The following ANO1 variants were observed in gnomAD, a reference collection of about 807,000 sequenced individuals.
ANO1 encodes anoctamin 1, also known as anoctamin-1.
Under a neutral mutation model 124.0 loss-of-function variants are expected in ANO1, and 59 were observed. That is an observed-to-expected ratio of 0.48 (90% CI 0.39 to 0.59). ANO1 has a LOEUF of 0.59. Among genes scored for constraint, ANO1 ranks in the 20% least tolerant of loss-of-function variants. The pLI, the probability that ANO1 is intolerant of heterozygous loss-of-function variation, is 0.00. For missense variants in ANO1, 1,059 were observed against 1,328.0 expected, an observed-to-expected ratio of 0.80 and a Z score of 3.15; for synonymous variants, 529 against 532.0, an observed-to-expected ratio of 0.99 and a Z score of 0.08.
At chr11:70,175,111 T>C (rs1340322230) in intron 22 of ANO1, among the ~76,000 whole-genome samples, 1 of 152,160 alleles carries the variant, frequency 6.6e-6, no homozygotes, top group Non-Finnish European at 1.5e-5. Flanking sequence ...GAATGAAGCT[T>C]GCAAACCCAC....
At chr11:70,103,325 CA>C (rs1423645763) in intron 3 of ANO1, among the ~76,000 whole-genome samples, 161 bp downstream of exon 3, 1 of 151,882 alleles carries the variant, frequency 6.6e-6, no homozygotes, top group East Asian at 1.9e-4. Context: ...CTCGATGTGA[CA>C]AGGCCCCCAG....
chr11:70,046,068 G>A (rs1555005606), intron 1 of ANO1, among the ~76,000 whole-genome samples: 1 of 152,118 alleles, frequency 6.6e-6, no homozygotes, highest in African/African-American at 2.4e-5. Context: ...AGTTAACATG[G>A]GCTGCAGAGG....
chr11:70,167,454 G>A, intron 21 of ANO1, 67 bp downstream of exon 21: 1 of 1,540,018 alleles, frequency 6.5e-7, no homozygotes, highest in Non-Finnish European at 8.8e-7. Context: ...ACCTGGAGTG[G>A]GGAAGGGCTG....
chr11:70,114,704 G>A (rs2135422872), intron 7 of ANO1, among the ~76,000 whole-genome samples: 1 of 152,304 alleles, frequency 6.6e-6, no homozygotes, highest in East Asian at 1.9e-4. Context: ...GTTGAAACCA[G>A]CCTGACCAAC....
intron 1 of ANO1, among the ~76,000 whole-genome samples, chr11:70,039,818 T>C (rs1555004856): frequency 1.3e-5 from 2 of 152,168 alleles, no homozygotes; most frequent in Non-Finnish European, 2.9e-5. Flanking sequence ...TTCCCTTTCC[T>C]CCCACTTCCA....
chr11:70,099,712 C>T (rs2045181513), intron 2 of ANO1, among the ~76,000 whole-genome samples: 1 of 152,186 alleles, frequency 6.6e-6, no homozygotes, highest in South Asian at 2.1e-4. Flanking sequence ...CTTGCACAGG[C>T]AGGGGCTCAG....
chr11:70,119,463 G>A (rs183529534), intron 8 of ANO1, among the ~76,000 whole-genome samples: 48 of 150,436 alleles, frequency 3.2e-4, no homozygotes, highest in African/African-American at 9.5e-4. Context: ...ATGGATGGCC[G>A]ATGGAAGAAT....
rs113996786 is a variant in ANO1, at chr11:70,121,033, G to A, written c.898-3317G>A. On this transcript the variant is annotated intron_variant, in intron 8 of 25. Transcript: ENST00000355303. ...CTCTTGGCAGAAAGAAAAGTCCACC[G>A]AGGTCAAGCGGTATATGTAGAAAGC... Among the ~76,000 whole-genome samples, 10 of 152,300 alleles carry A rather than the reference G, an allele frequency of 6.6e-5. No homozygotes were observed. In the East Asian group the frequency reaches 7.7e-4, roughly 12 times the overall value.
At chr11:70,024,117 G>A (rs1174687225) in intron 1 of ANO1, among the ~76,000 whole-genome samples, 1 of 152,214 alleles carries the variant, frequency 6.6e-6, no homozygotes, top group Non-Finnish European at 1.5e-5. Context: ...GTGTCCAGAT[G>A]GCAGGCACAG....
At chr11:70,178,956 C>T (rs577824390) in intron 22 of ANO1, among the ~76,000 whole-genome samples, 55 of 152,348 alleles carry the variant, frequency 3.6e-4, no homozygotes, top group African/African-American at 1.3e-3. Context: ...ATCTTGGTCT[C>T]AGAGGTTTCA....
intron 1 of ANO1, among the ~76,000 whole-genome samples, chr11:69,993,128 C>T (rs782402021): frequency 1.3e-5 from 2 of 152,150 alleles, no homozygotes; most frequent in African/African-American, 4.8e-5. Flanking sequence ...AGCCCCACCC[C>T]AATGGGGCCA....
chr11:70,179,879 AAGCCT>A (rs1300804772), intron 22 of ANO1, 120 bp from the exon 23 acceptor site: 8 of 837,950 alleles, frequency 9.5e-6, no homozygotes, highest in Admixed American at 3.9e-5. Context: ...TGGTTGCCAT[AAGCCT>A]CTGACTGCTG....
chr11:70,126,147 T>A lies in ANO1; in HGVS notation c.1049T>A (p.Ile350Asn). Residue 350 changes from isoleucine (I) to asparagine (N), a missense_variant, in exon 10 of 26, where the codon ATC becomes AAC. Physicochemically the swap from Ile to Asn is moderately radical, Grantham distance 149 (BLOSUM62 -3). Transcript: ENST00000355303. ...CTCATCCCTGCCTCCATCGTGGGAA[T>A]CATTGTCTTCCTGTACGGATGCGCC... ...QMLIPASIVG[I>N]IVFLYGCATM... 6.2e-7 allele frequency: 1 copy of A among 1,613,716 alleles called. No homozygotes were observed. The highest frequency in any genetic ancestry group is 8.5e-7 in the Non-Finnish European group (1 of 1,179,754).
intron 21 of ANO1, 36 bp downstream of exon 21, chr11:70,167,423 AT>A: frequency 6.3e-7 from 1 of 1,590,680 alleles, no homozygotes. Context: ...TGACATCAGG[AT>A]AGAAACAGGC....
At chr11:70,121,762 A>C (rs1464001413) in intron 8 of ANO1, among the ~76,000 whole-genome samples, 148 of 45,530 alleles carry the variant, frequency 3.3e-3, no homozygotes, top group Admixed American at 7.9e-3. Context: ...CATCTCCCCC[A>C]CCTCTCTGTC....
chr11:70,028,391 C>T (rs782018217), intron 1 of ANO1, among the ~76,000 whole-genome samples: 4 of 152,212 alleles, frequency 2.6e-5, no homozygotes, highest in Non-Finnish European at 5.9e-5. Flanking sequence ...CTGAAGTCCA[C>T]ACTCTGCCAC....
In ANO1 at chr11:70,185,700, G is replaced by C. The variant is rs368924999; in HGVS notation, c.2694+5G>C. On this transcript the variant is annotated splice_donor_5th_base_variant and intron_variant, in intron 25 of 25. Coordinates refer to ENST00000355303, the MANE Select transcript of ANO1 (RefSeq NM_018043.7). ...GCGTTTGTCATCGTCTTCCAGGTGC[G>C]GTGGGTCCCTCTTTGTTTCCGGTTT... 13 of 1,613,450 alleles carry C rather than the reference G, an allele frequency of 8.1e-6. 1 individual carries two copies. The South Asian group carries it at 1.2e-4, about 15-fold the overall frequency.
At chr11:70,029,036 C>T (rs1471580402) in intron 1 of ANO1, among the ~76,000 whole-genome samples, 1 of 152,176 alleles carries the variant, frequency 6.6e-6, no homozygotes, top group African/African-American at 2.4e-5. Flanking sequence ...CCCACCTCGG[C>T]CTCCGAAAGT....
In ANO1 at chr11:70,187,982, C is replaced by T. The variant is rs1418054986; in HGVS notation, c.2939C>T (p.Ala980Val). The T allele has an allele frequency of 2.5e-6, 4 of 1,568,752 alleles. No homozygotes were observed. Among genetic ancestry groups the T allele is most frequent in the Non-Finnish European group, 3.5e-6 (4 of 1,157,496 alleles). The change falls in exon 26 of 26, where the codon GCC becomes GTC. Residue 980 changes from alanine (A) to valine (V), a missense_variant. By Grantham distance (64) the Ala-to-Val change is moderately conservative (BLOSUM62 0). Coordinates refer to ENST00000355303, the MANE Select transcript of ANO1 (RefSeq NM_018043.7). ...CTCGGCAGCCCAGCCCCCAGCCATG[C>T]CTACCACGGGGGCGTCCTGTAGCTA... ...DSLGSPAPSH[A>V]YHGGVL
Sources: gnomAD v4.1 joint callset for allele counts (sites outside exome capture counted in the v4.1 genomes callset) on GRCh38, gnomAD v4.1.1 for gene constraint, MANE v1.5 for transcripts, NCBI Gene and HGNC (gene_info 2026-07-23, HGNC 2026-07-21) for gene names.